Variants in CCBE1 observed in about 807,000 individuals in gnomAD.
The protein encoded by CCBE1 is collagen and calcium-binding EGF domain-containing protein 1.
In CCBE1, 37 loss-of-function variants were observed where a neutral mutation model predicts 50.0. That is an observed-to-expected ratio of 0.74 (90% CI 0.57 to 0.97). The LOEUF is 0.97. Among genes scored for constraint, CCBE1 ranks in the 50% least tolerant of loss-of-function variants. The pLI is 0.00. For missense variants in CCBE1, 538 were observed against 523.8 expected (o/e 1.03, Z -0.26); for synonymous variants, 234 against 203.7 (o/e 1.15, Z -1.27).
intron 2 of CCBE1, among the ~76,000 whole-genome samples, chr18:59,499,902 TG>T (rs749103890): frequency 9.2e-5 from 14 of 152,196 alleles, no homozygotes; most frequent in Non-Finnish European, 1.8e-4. Flanking sequence ...AGGAGCCAGC[TG>T]TGGTAGAAGC....
intron 2 of CCBE1, among the ~76,000 whole-genome samples, chr18:59,626,899 G>C (rs945530940): frequency 6.6e-6 from 1 of 152,228 alleles, no homozygotes; most frequent in South Asian, 2.1e-4. Context: ...GGACTATCCT[G>C]GTCCTGAACT....
intron 2 of CCBE1, among the ~76,000 whole-genome samples, chr18:59,557,993 ATGG>A (rs1568205226): frequency 6.6e-6 from 1 of 152,172 alleles, no homozygotes; most frequent in African/African-American, 2.4e-5. Context: ...AAGACATAAC[ATGG>A]TAAGTGTGGG....
chr18:59,481,989 C>T (rs566546665), intron 2 of CCBE1, among the ~76,000 whole-genome samples: 2 of 152,286 alleles, frequency 1.3e-5, no homozygotes, highest in East Asian at 1.9e-4. Context: ...ATCAACCTGT[C>T]GTCCAGGTTT....
intron 2 of CCBE1, among the ~76,000 whole-genome samples, chr18:59,560,809 G>A (rs1169872833): frequency 6.6e-6 from 1 of 152,160 alleles, no homozygotes; most frequent in Non-Finnish European, 1.5e-5. Context: ...GATGGATAAC[G>A]ACTCCCCGGA....
intron 2 of CCBE1, among the ~76,000 whole-genome samples, chr18:59,675,028 T>C (rs1199063624): frequency 1.3e-5 from 2 of 152,188 alleles, no homozygotes; most frequent in African/African-American, 4.8e-5. Context: ...TAAACATCCT[T>C]ATCTTTATCG....
intron 2 of CCBE1, among the ~76,000 whole-genome samples, chr18:59,525,865 T>C (rs1914798388): frequency 6.6e-6 from 1 of 152,222 alleles, no homozygotes; most frequent in African/African-American, 2.4e-5. Context: ...TCCCCATTGC[T>C]TTTGCCAGTT....
chr18:59,537,842 C>A (rs374310996), intron 2 of CCBE1, among the ~76,000 whole-genome samples: 1 of 152,214 alleles, frequency 6.6e-6, no homozygotes, highest in Non-Finnish European at 1.5e-5. Flanking sequence ...CCTCTCCCAG[C>A]AGTGTGCCCT....
intron 2 of CCBE1, among the ~76,000 whole-genome samples, chr18:59,576,139 C>A (rs2052991885): frequency 6.6e-6 from 1 of 152,210 alleles, no homozygotes; most frequent in South Asian, 2.1e-4. Flanking sequence ...AGTTAGTGTT[C>A]ACGTTGTGGA....
intron 2 of CCBE1, among the ~76,000 whole-genome samples, chr18:59,574,271 C>T (rs10503030): frequency 0.016 from 2,450 of 152,248 alleles, 90 homozygotes; most frequent in East Asian, 0.11. Flanking sequence ...ATTTATAGTA[C>T]GGTTAGTTGC....
At chr18:59,577,962 G>A (rs1431684300) in intron 2 of CCBE1, among the ~76,000 whole-genome samples, 1 of 152,112 alleles carries the variant, frequency 6.6e-6, no homozygotes, top group Non-Finnish European at 1.5e-5. Flanking sequence ...TTGACAAATG[G>A]GATCTAATTA....
chr18:59,567,658 C>G (rs1324257462), intron 2 of CCBE1, among the ~76,000 whole-genome samples: 1 of 152,186 alleles, frequency 6.6e-6, no homozygotes. Flanking sequence ...GACACCCCTT[C>G]TGTGTGTCAT....
At chr18:59,653,549 C>T (rs2054152534) in intron 2 of CCBE1, among the ~76,000 whole-genome samples, 1 of 152,186 alleles carries the variant, frequency 6.6e-6, no homozygotes, top group Non-Finnish European at 1.5e-5. Flanking sequence ...CCCACAACAA[C>T]CCTATGAGAT....
chr18:59,607,866 G>A (rs1020898256), intron 2 of CCBE1, among the ~76,000 whole-genome samples: 3 of 152,204 alleles, frequency 2.0e-5, no homozygotes, highest in African/African-American at 4.8e-5. Flanking sequence ...CCTGAGGTCA[G>A]GAGTCACGTG....
chr18:59,504,384 CT>C (rs10551471), intron 2 of CCBE1, among the ~76,000 whole-genome samples: 51,906 of 142,962 alleles, frequency 0.36, 10,479 homozygotes, highest in East Asian at 0.61. Context: ...GAATGTCTTC[CT>C]TTTTTTTTTT....
Position 59,658,343 on chromosome 18 carries a change from A to T in CCBE1, c.212+38286T>A, listed in dbSNP as rs2054221403. On this transcript the variant is annotated intron_variant, in intron 2 of 10. Transcript: ENST00000439986. ...CTCTAAAAAAAAAAAAAAAAAAAAA[A>T]AAAAAAAAAAAATATATATATATAT... 5.1e-5 allele frequency among the ~76,000 whole-genome samples: 2 copies of T among 38,928 alleles called. 1 individual carries two copies. The highest frequency in any genetic ancestry group is 9.8e-4 in the Admixed American group (2 of 2,046). The allele number at this position is 38,928 out of a possible 152,430, so 25.5% of individuals were successfully genotyped here. A position where few individuals can be genotyped will look rare whatever the true frequency, so the allele number is the denominator to read the frequency against.
chr18:59,468,634 C>T (rs1309893539), intron 4 of CCBE1, among the ~76,000 whole-genome samples: 1 of 151,706 alleles, frequency 6.6e-6, no homozygotes, highest in Admixed American at 6.6e-5. Context: ...TCCCTAGAGC[C>T]CCTGCTAGGA....
chr18:59,665,266 C>T (rs1447318697), intron 2 of CCBE1, among the ~76,000 whole-genome samples: 1 of 152,022 alleles, frequency 6.6e-6, no homozygotes, highest in African/African-American at 2.4e-5. Flanking sequence ...AGAAGATTCC[C>T]TGTCTCAGCA....
intron 2 of CCBE1, among the ~76,000 whole-genome samples, chr18:59,520,878 T>C (rs1332384389): frequency 1.3e-5 from 2 of 152,260 alleles, no homozygotes; most frequent in Non-Finnish European, 2.9e-5. Flanking sequence ...TTTGGCACAA[T>C]GCCTCCTACC....
At chr18:59,661,280 G>A (rs932296730) in intron 2 of CCBE1, among the ~76,000 whole-genome samples, 2 of 152,224 alleles carry the variant, frequency 1.3e-5, no homozygotes, top group African/African-American at 4.8e-5. Context: ...ACTCACTGAA[G>A]AAGCTGGGAC....
Sources: gnomAD v4.1 joint callset for allele counts (sites outside exome capture counted in the v4.1 genomes callset) on GRCh38, gnomAD v4.1.1 for gene constraint, MANE v1.5 for transcripts, NCBI Gene and HGNC (gene_info 2026-07-23, HGNC 2026-07-21) for gene names.